Variants in SLC25A48 observed in about 807,000 individuals in gnomAD.
SLC25A48 encodes solute carrier family 25 member 48, also known as CTC-321K16.1.
A neutral mutation model predicts 32.2 loss-of-function variants in SLC25A48; 29 were observed. The observed-to-expected ratio is 0.90, with a 90% CI of 0.67 to 1.23. SLC25A48 has a LOEUF of 1.23. Among genes scored for constraint, SLC25A48 ranks in the 50% most tolerant of loss-of-function variants. The probability of loss-of-function intolerance (pLI) is 0.00; values close to 1 mark genes in which losing one functional copy is unlikely to be tolerated. For missense variants in SLC25A48, 399 were observed against 422.7 expected (o/e 0.94, Z 0.49); for synonymous variants, 164 against 172.3 (o/e 0.95, Z 0.38).
upstream of SLC25A48, among the ~76,000 whole-genome samples, chr5:135,833,946 A>C (rs1758309238): frequency 6.6e-6 from 1 of 152,108 alleles, no homozygotes; most frequent in Non-Finnish European, 1.5e-5. Context: ...ACCCTTCACC[A>C]TTCTTGTCAA....
rs116205395 is a variant in SLC25A48, at chr5:135,837,079, T to A, written c.46+2186T>A. Among the ~76,000 whole-genome samples the A allele has an allele frequency of 2.2e-3, 325 of 149,350 alleles. 2 individuals carry two copies. Among genetic ancestry groups the A allele is most frequent in the African/African-American group, 7.5e-3 (301 of 39,936 alleles). ...TAATCCCATTTTTTTAAATCTCAAA[T>A]CCCCTGCTTTCAGATGGGTGGGCTA... On this transcript the variant is annotated intron_variant, in intron 1 of 7. Coordinates refer to ENST00000681962, the MANE Select transcript of SLC25A48 (RefSeq NM_001349336.2).
chr5:135,800,094 A>G (rs1379488432), intron 3 of SLC25A48, among the ~76,000 whole-genome samples: 1 of 151,450 alleles, frequency 6.6e-6, no homozygotes, highest in Non-Finnish European at 1.5e-5. Flanking sequence ...TGTTTCTAAT[A>G]CCCAGGTGGA....
At chr5:135,752,382 C>T (rs1755791120) in intron 3 of SLC25A48, among the ~76,000 whole-genome samples, 1 of 152,120 alleles carries the variant, frequency 6.6e-6, no homozygotes. Flanking sequence ...ACCAGCCTGG[C>T]CAACATAGTG....
At chr5:135,718,415 A>G (rs1754861128) in intron 3 of SLC25A48, among the ~76,000 whole-genome samples, 1 of 152,182 alleles carries the variant, frequency 6.6e-6, no homozygotes, top group African/African-American at 2.4e-5. Context: ...GTAGGTTGCA[A>G]CAATCTGGGA....
chr5:135,887,882 G>A, intron 7 of SLC25A48, 150 bp from the exon 8 acceptor site: 2 of 730,926 alleles, frequency 2.7e-6, no homozygotes, highest in Non-Finnish European at 4.6e-6. Flanking sequence ...ACTTTGCACA[G>A]CTTCCACAAG....
At chr5:135,878,235 C>T (rs1762193495) in intron 6 of SLC25A48, among the ~76,000 whole-genome samples, 1 of 152,140 alleles carries the variant, frequency 6.6e-6, no homozygotes, top group Non-Finnish European at 1.5e-5. Flanking sequence ...CCTGCAGGGC[C>T]CGGGGCTGTG....
chr5:135,807,216 A>C (rs1054139643), intron 3 of SLC25A48, among the ~76,000 whole-genome samples: 2 of 150,780 alleles, frequency 1.3e-5, no homozygotes, highest in African/African-American at 2.4e-5. Context: ...TCACCACTAG[A>C]TATTATAAAT....
At chr5:135,703,814 G>T (rs1754445921) in intron 3 of SLC25A48, among the ~76,000 whole-genome samples, 1 of 152,148 alleles carries the variant, frequency 6.6e-6, no homozygotes, top group African/African-American at 2.4e-5. Flanking sequence ...ATACACATCT[G>T]CCCTCTTCTC....
chr5:135,854,397 A>C (rs1289409575), intron 4 of SLC25A48, among the ~76,000 whole-genome samples: 1 of 152,258 alleles, frequency 6.6e-6, no homozygotes, highest in African/African-American at 2.4e-5. Context: ...TGTTGAGTAT[A>C]GTCATGTTCA....
At chr5:135,712,945 C>A (rs993534386) in intron 3 of SLC25A48, among the ~76,000 whole-genome samples, 1 of 152,206 alleles carries the variant, frequency 6.6e-6, no homozygotes, top group African/African-American at 2.4e-5. Context: ...CCAGAACTTG[C>A]CCAGTCTCAG....
chr5:135,734,385 A>G (rs1159702111), intron 3 of SLC25A48, among the ~76,000 whole-genome samples: 2 of 152,174 alleles, frequency 1.3e-5, no homozygotes, highest in Non-Finnish European at 2.9e-5. Context: ...AAGACTTCAT[A>G]AAAGAATGTT....
At chr5:135,775,381 G>T (rs755382774) in intron 3 of SLC25A48, among the ~76,000 whole-genome samples, 1 of 151,564 alleles carries the variant, frequency 6.6e-6, no homozygotes, top group Non-Finnish European at 1.5e-5. Context: ...AATATCAAGT[G>T]GGGGAGAGGA....
chr5:135,771,192 G>T (rs1756400280), intron 3 of SLC25A48, among the ~76,000 whole-genome samples: 1 of 151,528 alleles, frequency 6.6e-6, no homozygotes, highest in Non-Finnish European at 1.5e-5. Context: ...ACCCCCCTGT[G>T]ATAAGGTTTG....
chr5:135,584,050 T>A (rs746055001), intron 1 of SLC25A48, among the ~76,000 whole-genome samples: 24 of 152,168 alleles, frequency 1.6e-4, no homozygotes, highest in Non-Finnish European at 3.2e-4. Flanking sequence ...GAGAAAATGA[T>A]GTGGGGGACA....
chr5:135,763,998 G>A (rs1756133100), intron 3 of SLC25A48, among the ~76,000 whole-genome samples: 1 of 152,122 alleles, frequency 6.6e-6, no homozygotes, highest in East Asian at 1.9e-4. Flanking sequence ...TCAGCCTCCC[G>A]AGTGCGGGGG....
chr5:135,886,675 A>T (rs7444399), intron 7 of SLC25A48, among the ~76,000 whole-genome samples: 6,492 of 47,276 alleles, frequency 0.14, 562 homozygotes, highest in African/African-American at 0.25. Flanking sequence ...TGTGTGTGTG[A>T]GAGAGAGAGA....
intron 3 of SLC25A48, among the ~76,000 whole-genome samples, chr5:135,791,601 T>G (rs1032478801): frequency 4.0e-5 from 6 of 151,868 alleles, no homozygotes; most frequent in Middle Eastern, 3.4e-3. Context: ...ATATTATTCT[T>G]AATATCCTAG....
At chr5:135,887,833 G>A (rs1762791221) in intron 7 of SLC25A48, among the ~76,000 whole-genome samples, 199 bp from the exon 8 acceptor site, 1 of 152,036 alleles carries the variant, frequency 6.6e-6, no homozygotes, top group African/African-American at 2.4e-5. Context: ...AGTGCCCCCT[G>A]AGCCATCTGT....
chr5:135,771,789 G>A (rs971919807), intron 3 of SLC25A48, among the ~76,000 whole-genome samples: 2 of 145,394 alleles, frequency 1.4e-5, no homozygotes, highest in African/African-American at 5.1e-5. Context: ...ACATTTTCTT[G>A]TAATATTGTT....
Sources: allele counts gnomAD v4.1 joint callset (sites outside exome capture counted in the v4.1 genomes callset), GRCh38; gene constraint gnomAD v4.1.1; transcripts MANE v1.5; gene names NCBI Gene and HGNC (gene_info 2026-07-23, HGNC 2026-07-21).